The following CREB5 variants were observed in gnomAD, a reference collection of about 807,000 sequenced individuals.
The protein encoded by CREB5 is cyclic AMP-responsive element-binding protein 5.
CREB5 carries 19 observed loss-of-function variants against 57.1 expected under a neutral mutation model. The observed-to-expected ratio is 0.33, with a 90% CI of 0.23 to 0.49. The LOEUF (loss-of-function observed/expected upper bound fraction) is 0.49, where lower values mean the gene tolerates loss of function less well. Among genes scored for constraint, CREB5 ranks in the 20% least tolerant of loss-of-function variants. The probability of loss-of-function intolerance (pLI) is 0.99; values close to 1 mark genes in which losing one functional copy is unlikely to be tolerated. For missense variants in CREB5, 579 were observed against 671.6 expected, an observed-to-expected ratio of 0.86 and a Z score of 1.52; for synonymous variants, 238 against 238.3, an observed-to-expected ratio of 1.00 and a Z score of 0.01.
intron 5 of CREB5, among the ~76,000 whole-genome samples, chr7:28,675,924 T>C (rs1038047141): frequency 4.6e-5 from 7 of 152,190 alleles, no homozygotes; most frequent in African/African-American, 1.7e-4. Flanking sequence ...TTATAGCTTA[T>C]TTATTTCTGA....
intron 5 of CREB5, among the ~76,000 whole-genome samples, chr7:28,696,214 A>G (rs1801549561): frequency 6.6e-6 from 1 of 151,564 alleles, no homozygotes. Context: ...CGACCTTGAA[A>G]GGATGTTTCT....
At chr7:28,355,242 T>C (rs1786316863) in intron 1 of CREB5, among the ~76,000 whole-genome samples, 1 of 152,200 alleles carries the variant, frequency 6.6e-6, no homozygotes, top group Non-Finnish European at 1.5e-5. Context: ...CCCTTTGGGA[T>C]GAAAGCGTGC....
At chr7:28,754,096 C>T (rs1394337020) in intron 7 of CREB5, among the ~76,000 whole-genome samples, 1 of 151,878 alleles carries the variant, frequency 6.6e-6, no homozygotes, top group Admixed American at 6.6e-5. Flanking sequence ...CTAAATGAAA[C>T]TTTTGTATGC....
At chr7:28,479,230 G>A (rs914576383) in intron 1 of CREB5, among the ~76,000 whole-genome samples, 10 of 152,038 alleles carry the variant, frequency 6.6e-5, no homozygotes, top group Non-Finnish European at 1.5e-4. Flanking sequence ...CCACACTATT[G>A]GCTATCAGAT....
chr7:28,724,331 T>G lies in CREB5; in HGVS notation c.701T>G (p.Met234Arg). 6.2e-7 allele frequency: 1 copy of G among 1,611,674 alleles called. No individual in the cohort carries two copies. Among genetic ancestry groups the G allele is most frequent in the Non-Finnish European group, 8.5e-7 (1 of 1,178,012 alleles). The change falls in exon 7 of 11, where the codon ATG becomes AGG. Residue 234 changes from methionine to arginine, a missense_variant and splice_region_variant. Physicochemically the swap from Met to Arg is moderately conservative, Grantham distance 91 (BLOSUM62 -1). Around this residue, in one of 3 missense-constraint regions of CREB5, gnomAD observed 459 missense variants for 515.7 expected, o/e 0.89. Coordinates refer to ENST00000357727, the MANE Select transcript of CREB5 (RefSeq NM_182898.4). Reference protein sequence around the residue: ...QVQPMHSEAKMRLKAALTHHP... With the variant: ...QVQPMHSEAKRRLKAALTHHP... ...CAGCCAATGCATTCAGAAGCCAAAA[T>G]GGTAAGTAACAGTTATAATCACCCT...
chr7:28,687,382 GA>G (rs1441281319), intron 5 of CREB5, among the ~76,000 whole-genome samples: 9 of 144,060 alleles, frequency 6.2e-5, no homozygotes, highest in African/African-American at 1.2e-4. Context: ...AATACAGGGA[GA>G]GGGGGCAAAG....
intron 7 of CREB5, among the ~76,000 whole-genome samples, chr7:28,781,410 A>G (rs1806964610): frequency 6.6e-6 from 1 of 152,220 alleles, no homozygotes; most frequent in African/African-American, 2.4e-5. Flanking sequence ...ATCTACATGA[A>G]TGAAATGATC....
chr7:28,321,532 G>T (rs914230520), intron 1 of CREB5, among the ~76,000 whole-genome samples: 1 of 152,178 alleles, frequency 6.6e-6, no homozygotes, highest in Non-Finnish European at 1.5e-5. Context: ...ACTCACAAGT[G>T]CCTGGAGTCC....
chr7:28,542,757 G>A (rs972950354), intron 4 of CREB5, among the ~76,000 whole-genome samples: 10 of 152,274 alleles, frequency 6.6e-5, no homozygotes, highest in Non-Finnish European at 4.4e-5. Flanking sequence ...CATAAACCCT[G>A]ACAGAAAAGC....
intron 7 of CREB5, chr7:28,726,545 G>A (rs1018858336): frequency 4.6e-5 from 7 of 152,004 alleles, no homozygotes; most frequent in Admixed American, 1.3e-4. Flanking sequence ...AAACTTGCAC[G>A]ATTTTAATGT....
intron 4 of CREB5, among the ~76,000 whole-genome samples, chr7:28,550,894 G>A (rs1026186347): frequency 1.7e-4 from 26 of 152,284 alleles, no homozygotes; most frequent in Admixed American, 1.0e-3. Flanking sequence ...GTATCACCCC[G>A]AGGCTTCAGC....
At chr7:28,390,088 A>C (rs1040742471) in intron 1 of CREB5, among the ~76,000 whole-genome samples, 4 of 152,096 alleles carry the variant, frequency 2.6e-5, no homozygotes, top group African/African-American at 9.7e-5. Context: ...TTTCAAACAA[A>C]GACAGAGGGC....
At chr7:28,436,392 G>T (rs1012808104) in intron 1 of CREB5, among the ~76,000 whole-genome samples, 9 of 152,134 alleles carry the variant, frequency 5.9e-5, no homozygotes, top group Non-Finnish European at 1.2e-4. Flanking sequence ...CAGCAGTGTT[G>T]TTCCCTCCCC....
At chr7:28,439,438 C>A (rs1388461811) in intron 1 of CREB5, among the ~76,000 whole-genome samples, 1 of 152,208 alleles carries the variant, frequency 6.6e-6, no homozygotes, top group Non-Finnish European at 1.5e-5. Context: ...AATATTCTCT[C>A]TGCTCAATCT....
chr7:28,624,699 T>A (rs187540784), intron 5 of CREB5, among the ~76,000 whole-genome samples: 1 of 128,482 alleles, frequency 7.8e-6, no homozygotes, highest in East Asian at 2.4e-4. Flanking sequence ...AAAAACAATC[T>A]TGAAGAACTG....
At chr7:28,462,672 G>C (rs182380057) in intron 1 of CREB5, among the ~76,000 whole-genome samples, 1 of 152,186 alleles carries the variant, frequency 6.6e-6, no homozygotes, top group Admixed American at 6.5e-5. Flanking sequence ...TACTGATGTT[G>C]ACGATATTTT....
intron 5 of CREB5, among the ~76,000 whole-genome samples, chr7:28,618,021 A>G (rs555973649): frequency 1.3e-5 from 2 of 152,288 alleles, no homozygotes; most frequent in African/African-American, 4.8e-5. Context: ...AGGTACACAG[A>G]GAAAAGCTTT....
chr7:28,569,802 ATGTCT>A, intron 4 of CREB5, among the ~76,000 whole-genome samples: 1 of 152,324 alleles, frequency 6.6e-6, no homozygotes, highest in South Asian at 2.1e-4. Flanking sequence ...TGGATCCCAT[ATGTCT>A]TGTCATGTAT....
At chr7:28,386,942 G>A (rs1393076207) in intron 1 of CREB5, among the ~76,000 whole-genome samples, 2 of 152,142 alleles carry the variant, frequency 1.3e-5, no homozygotes, top group African/African-American at 4.8e-5. Flanking sequence ...ATTCCATGGT[G>A]TGTATATACC....
Sources: allele counts gnomAD v4.1 joint callset (sites outside exome capture counted in the v4.1 genomes callset), GRCh38; gene constraint gnomAD v4.1.1; regional missense constraint gnomAD v4.1.1; transcripts MANE v1.5; gene names NCBI Gene and HGNC (gene_info 2026-07-23, HGNC 2026-07-21).